The following PDE1A variants were observed in gnomAD, a reference collection of about 807,000 sequenced individuals.
The protein encoded by PDE1A is phosphodiesterase 1A.
In PDE1A, 35 loss-of-function variants were observed where a neutral mutation model predicts 61.7. The observed-to-expected ratio is 0.57, with a 90% CI of 0.43 to 0.75. PDE1A has a LOEUF of 0.75. Among genes scored for constraint, PDE1A ranks in the 30% least tolerant of loss-of-function variants. The probability of loss-of-function intolerance (pLI) is 0.00; values close to 1 mark genes in which losing one functional copy is unlikely to be tolerated. For synonymous variants in PDE1A, 232 were observed against 213.2 expected (o/e 1.09, Z -0.77); for missense variants, 597 against 630.6 (o/e 0.95, Z 0.57).
At position 182,185,651 on chromosome 2, in the gene PDE1A, G is replaced by GT; in HGVS notation, c.1516+240dup. ...TCATTATCTCATCTTTCAGTATCCA[G>GT]TTTGCCAGCACCCACTGACACACAG... On this transcript the variant is annotated intron_variant, in intron 13 of 13. Transcript: ENST00000351439. The GT allele has an allele frequency of 1.0e-5, 6 of 580,650 alleles. No homozygotes were observed. In the South Asian group the frequency reaches 1.2e-4, roughly 12 times the overall value. The allele number at this position is 580,650 out of a possible 1,614,324, so 36.0% of individuals were successfully genotyped here.
intron 13 of PDE1A, among the ~76,000 whole-genome samples, chr2:182,161,347 TG>T (rs1049360681): frequency 6.6e-6 from 1 of 151,748 alleles, no homozygotes; most frequent in Non-Finnish European, 1.5e-5. Flanking sequence ...GGACGTTGGT[TG>T]GGGAAAAAAA....
At chr2:182,593,067 T>C in the PDE1A span, among the ~76,000 whole-genome samples, 1 of 152,146 alleles carries the variant, frequency 6.6e-6, no homozygotes, top group Non-Finnish European at 1.5e-5. Flanking sequence ...ACAACACCAT[T>C]AATGTACACT....
the PDE1A span, among the ~76,000 whole-genome samples, chr2:182,604,950 T>A: frequency 6.6e-6 from 1 of 152,104 alleles, no homozygotes; most frequent in African/African-American, 2.4e-5. Flanking sequence ...AGAAAGATAT[T>A]TTCTTTCTAA....
chr2:182,352,730 C>A (rs1429973094), intron 1 of PDE1A, among the ~76,000 whole-genome samples: 5 of 151,158 alleles, frequency 3.3e-5, no homozygotes, highest in African/African-American at 1.2e-4. Flanking sequence ...AAAAGAGTTG[C>A]CTACAGTAGC....
At chr2:182,597,493 G>C in the PDE1A span, among the ~76,000 whole-genome samples, 7 of 152,178 alleles carry the variant, frequency 4.6e-5, no homozygotes, top group Non-Finnish European at 1.0e-4. Flanking sequence ...GGTGGGCCAG[G>C]ACAGGGCATG....
intron 13 of PDE1A, among the ~76,000 whole-genome samples, chr2:182,175,504 G>T (rs1203427760): frequency 1.4e-5 from 2 of 140,266 alleles, no homozygotes; most frequent in African/African-American, 5.4e-5. Flanking sequence ...GTCTGTTCAT[G>T]TCCTTTGCCC....
At chr2:182,626,679 C>T in the PDE1A span, among the ~76,000 whole-genome samples, 1 of 89,846 alleles carries the variant, frequency 1.1e-5, no homozygotes, top group African/African-American at 3.6e-5. Context: ...TATGTAATTG[C>T]CTTCGAGAAA....
chr2:182,467,016 C>G (rs1403544433), intron 2 of PDE1A, among the ~76,000 whole-genome samples: 4 of 151,182 alleles, frequency 2.6e-5, no homozygotes, highest in Non-Finnish European at 5.9e-5. Flanking sequence ...ACTAAAAAGG[C>G]AGCTAGAGAT....
intron 1 of PDE1A, among the ~76,000 whole-genome samples, chr2:182,276,088 CCCTT>C (rs1257835824): frequency 7.2e-5 from 11 of 151,958 alleles, no homozygotes; most frequent in South Asian, 2.1e-4. Context: ...CTTCCTCTCT[CCCTT>C]CCTTCCTTCC....
the PDE1A span, among the ~76,000 whole-genome samples, chr2:182,657,179 C>CG: frequency 6.6e-6 from 1 of 152,052 alleles, no homozygotes; most frequent in Non-Finnish European, 1.5e-5. Context: ...GCCAAGGTCG[C>CG]GCCACTGCAC....
intron 2 of PDE1A, among the ~76,000 whole-genome samples, chr2:182,476,894 TA>T (rs36121688): frequency 3.3e-3 from 362 of 109,728 alleles, no homozygotes; most frequent in Middle Eastern, 0.021. Flanking sequence ...AAGGTTTTCA[TA>T]AAAAAAAAAA....
rs148358464 is a variant in PDE1A at position 182,264,878 on chromosome 2, C to CATATATATAT, written c.54-474_54-465dup. 6.5e-3 allele frequency among the ~76,000 whole-genome samples: 699 copies of CATATATATAT among 106,794 alleles called. 65 individuals carry two copies. Among genetic ancestry groups the CATATATATAT allele is most frequent in the African/African-American group, 0.02 (530 of 27,062 alleles). The allele number at this position is 106,794 out of a possible 152,430, so 70.1% of individuals were successfully genotyped here. On this transcript the variant is annotated intron_variant, in intron 1 of 13. Transcript: ENST00000351439. Reference sequence around the variant, plus strand: ...ATAAAGAAAATGTGGTATATATATACATATATATATATATGTATATATATA... The same window carrying CATATATATAT: ...ATAAAGAAAATGTGGTATATATATACATATATATATATATATATATATATGTATATATATA...
chr2:182,179,996 A>G (rs1262579639), intron 13 of PDE1A, among the ~76,000 whole-genome samples: 1 of 152,178 alleles, frequency 6.6e-6, no homozygotes, highest in African/African-American at 2.4e-5. Context: ...CCTGATGCTT[A>G]ATTAATATTC....
chr2:182,610,735 C>G, the PDE1A span, among the ~76,000 whole-genome samples: 4 of 151,434 alleles, frequency 2.6e-5, no homozygotes, highest in African/African-American at 7.3e-5. Flanking sequence ...TTGGATAAAA[C>G]TAAATTATAA....
At chr2:182,489,873 T>C (rs1594305) in intron 2 of PDE1A, among the ~76,000 whole-genome samples, 54,274 of 152,052 alleles carry the variant, frequency 0.36, 10,457 homozygotes, top group East Asian at 0.6. Context: ...TAGAGCATGA[T>C]AGATTGATGG....
At chr2:182,413,588 G>T (rs1244719182) in intron 1 of PDE1A, among the ~76,000 whole-genome samples, 1 of 152,194 alleles carries the variant, frequency 6.6e-6, no homozygotes, top group Non-Finnish European at 1.5e-5. Context: ...TTTCAACAAA[G>T]AGGCTCAAAG....
chr2:182,385,662 G>A (rs28820373), intron 1 of PDE1A, among the ~76,000 whole-genome samples: 70 of 86,598 alleles, frequency 8.1e-4, no homozygotes, highest in East Asian at 2.2e-3. Flanking sequence ...AAAGAAAGAA[G>A]AAAAAAAGAA....
intron 2 of PDE1A, among the ~76,000 whole-genome samples, chr2:182,505,770 A>G (rs1455175172): frequency 1.3e-5 from 2 of 152,374 alleles, no homozygotes; most frequent in East Asian, 3.9e-4. Flanking sequence ...AACAAGCTGC[A>G]TGGCCAAGAG....
the PDE1A span, among the ~76,000 whole-genome samples, chr2:182,622,595 G>A: frequency 8.5e-5 from 13 of 152,164 alleles, no homozygotes; most frequent in Non-Finnish European, 1.6e-4. Context: ...ACACAGAAAT[G>A]ATAGGAATGA....
Sources: allele counts gnomAD v4.1 joint callset (sites outside exome capture counted in the v4.1 genomes callset), GRCh38; gene constraint gnomAD v4.1.1; transcripts MANE v1.5; gene names NCBI Gene and HGNC (gene_info 2026-07-23, HGNC 2026-07-21).